Variants in PRMT7 observed in about 807,000 individuals in gnomAD.
PRMT7 encodes the protein protein arginine methyltransferase 7.
In PRMT7, 75 loss-of-function variants were observed where a neutral mutation model predicts 85.4. The observed-to-expected ratio is 0.88, with a 90% CI of 0.73 to 1.06. The LOEUF is 1.06. Among genes scored for constraint, PRMT7 ranks in the 50% least tolerant of loss-of-function variants. The probability of loss-of-function intolerance (pLI) is 0.00; values close to 1 mark genes in which losing one functional copy is unlikely to be tolerated. For missense variants in PRMT7, 868 were observed against 915.2 expected (o/e 0.95, Z 0.67); for synonymous variants, 397 against 359.5 (o/e 1.10, Z -1.18).
In PRMT7 at chr16:68,355,709, C is replaced by T. The variant is rs752101222; in HGVS notation, c.1651-14C>T. 1.3e-6 allele frequency: 2 copies of T among 1,559,034 alleles called. No individual in the cohort carries two copies. The highest frequency in any genetic ancestry group is 1.7e-4 in the Middle Eastern group (1 of 5,842). ...GCCTGTCTCTGCAGCCCCCAGGCCC[C>T]CTTCTGTTCGCAGCGTGCCCTGGAC... is the stretch of plus-strand genomic sequence containing the variant. On this transcript the variant is annotated splice_polypyrimidine_tract_variant and intron_variant, in intron 16 of 18. Transcript: ENST00000441236.
chr16:68,316,344 G>A (rs187743952), intron 3 of PRMT7, among the ~76,000 whole-genome samples: 1 of 152,286 alleles, frequency 6.6e-6, no homozygotes, highest in Admixed American at 6.5e-5. Context: ...AGCCTCAGTA[G>A]TGTTGATGAA....
intron 2 of PRMT7, among the ~76,000 whole-genome samples, chr16:68,312,440 G>T (rs2044003405): frequency 1.3e-5 from 2 of 151,972 alleles, no homozygotes; most frequent in Non-Finnish European, 2.9e-5. Context: ...GTCTCACTAT[G>T]TTGCGCAGGC....
At position 68,348,440 on chromosome 16, in the gene PRMT7, C is replaced by T. The variant is rs528258029; in HGVS notation, c.1413+9C>T. ...ACCTACAGGGCAGAAAGGTGAGTAGCGGGAGCCTTTTGGCCACGCTGGGCT... is the reference window on the plus strand; with the variant it reads ...ACCTACAGGGCAGAAAGGTGAGTAGTGGGAGCCTTTTGGCCACGCTGGGCT... On this transcript the variant is annotated intron_variant, in intron 14 of 18. Transcript: ENST00000441236. 1.3e-5 allele frequency: 21 copies of T among 1,603,534 alleles called. No homozygotes were observed. In the Admixed American group the frequency reaches 1.3e-4, roughly 10 times the overall value.
intron 6 of PRMT7, among the ~76,000 whole-genome samples, chr16:68,336,127 T>G (rs1433023234): frequency 1.3e-5 from 2 of 152,240 alleles, no homozygotes; most frequent in African/African-American, 4.8e-5. Context: ...CTGTGAGACT[T>G]GTGCTCTGTG....
At chr16:68,346,638 C>T (rs994811130) in intron 11 of PRMT7, among the ~76,000 whole-genome samples, 3 of 152,106 alleles carry the variant, frequency 2.0e-5, no homozygotes, top group South Asian at 2.1e-4. Context: ...CTGATCATGT[C>T]GCTCTCCTGC....
intron 4 of PRMT7, among the ~76,000 whole-genome samples, chr16:68,322,998 C>T (rs2082674991): frequency 6.6e-6 from 1 of 151,842 alleles, no homozygotes; most frequent in South Asian, 2.1e-4. Context: ...TGCACCACTG[C>T]ACTCCAGCCT....
intron 12 of PRMT7, 138 bp from the exon 13 acceptor site, chr16:68,347,493 G>A: frequency 1.9e-6 from 2 of 1,070,714 alleles, no homozygotes; most frequent in Non-Finnish European, 2.8e-6. Context: ...TGTTCAGGCT[G>A]CCCCAGGGAG....
At chr16:68,338,936 G>A (rs770220663) in intron 7 of PRMT7, among the ~76,000 whole-genome samples, 8 of 152,166 alleles carry the variant, frequency 5.3e-5, no homozygotes, top group Non-Finnish European at 1.0e-4. Flanking sequence ...GGGCAGCTGA[G>A]GGGGCACCGT....
In PRMT7 at chr16:68,357,138, C is replaced by A. The variant is rs989259018; in HGVS notation, c.1993C>A (p.Pro665Thr). Residue 665 changes from proline to threonine, a missense_variant, in exon 19 of 19, where the codon CCA becomes ACA. Transcript: ENST00000441236. ...APDPRALLGG[P>T]RTVSYAVEFH... is the part of the protein sequence containing the mutation. The stretch of plus-strand genomic sequence containing the variant: ...AGATCCCAGAGCACTGCTGGGTGGC[C>A]CACGGACTGTCAGCTATGCAGTGGA... 1.2e-6 allele frequency: 2 copies of A among 1,613,988 alleles called. No individual in the cohort carries two copies. Among genetic ancestry groups the A allele is most frequent in the Non-Finnish European group, 1.7e-6 (2 of 1,180,010 alleles).
intron 6 of PRMT7, among the ~76,000 whole-genome samples, chr16:68,335,824 T>G (rs182957530): frequency 6.6e-6 from 1 of 151,700 alleles, no homozygotes; most frequent in Admixed American, 6.6e-5. Context: ...TGGCCCAGAT[T>G]AGAGTGCAGT....
chr16:68,317,714 C>G (rs529273886), intron 3 of PRMT7, among the ~76,000 whole-genome samples: 17 of 152,006 alleles, frequency 1.1e-4, no homozygotes, highest in Admixed American at 6.6e-4. Flanking sequence ...GCCTGTAATC[C>G]CAGCTGCTCG....
chr16:68,355,903 GGGGGCAGGGA>G lies in PRMT7; in HGVS notation c.1811+26_1811+35del. ...CAGAAGGTGGGTGCAGAGAGGGCTG[GGGGGCAGGGA>G]GGGGCTGCTGCTTGCCCTTGGAGTT... is the stretch of plus-strand genomic sequence containing the variant. On this transcript the variant is annotated intron_variant, in intron 17 of 18. Transcript: ENST00000441236. 1 of 1,550,594 alleles carries G rather than the reference GGGGGCAGGGA, an allele frequency of 6.4e-7. No homozygotes were observed. The highest frequency in any genetic ancestry group is 8.7e-7 in the Non-Finnish European group (1 of 1,148,646).
At chr16:68,349,628 A>G (rs1051409102) in intron 14 of PRMT7, among the ~76,000 whole-genome samples, 6 of 152,164 alleles carry the variant, frequency 3.9e-5, no homozygotes, top group African/African-American at 1.2e-4. Flanking sequence ...ACATGGTGGC[A>G]CATGTCTGTA....
intron 14 of PRMT7, among the ~76,000 whole-genome samples, chr16:68,348,785 T>C (rs2086816139): frequency 6.6e-6 from 1 of 151,696 alleles, no homozygotes; most frequent in African/African-American, 2.4e-5. Flanking sequence ...ACTGTAGGCA[T>C]GTGCCATTAT....
At chr16:68,311,194 C>T (rs1241586378) in intron 1 of PRMT7, 95 bp downstream of exon 1, 3 of 579,802 alleles carry the variant, frequency 5.2e-6, no homozygotes, top group Non-Finnish European at 9.4e-6. Flanking sequence ...GGCAGAGGAG[C>T]CTAGCGTGGG....
At chr16:68,332,273 A>G (rs1367934348) in intron 6 of PRMT7, among the ~76,000 whole-genome samples, 2 of 152,094 alleles carry the variant, frequency 1.3e-5, no homozygotes, top group South Asian at 2.1e-4. Context: ...GATGTTTAGC[A>G]GTGTCCCTGG....
At chr16:68,353,183 T>A (rs1186651412) in intron 15 of PRMT7, among the ~76,000 whole-genome samples, 1 of 152,132 alleles carries the variant, frequency 6.6e-6, no homozygotes, top group African/African-American at 2.4e-5. Context: ...AGAATTGGCT[T>A]ACAGATTTCT....
chr16:68,315,592 G>T, intron 2 of PRMT7: 1 of 278,728 alleles, frequency 3.6e-6, no homozygotes, highest in Non-Finnish European at 6.9e-6. Context: ...AGATGAACTT[G>T]TGAGGCTCAT....
chr16:68,320,125 C>A (rs998749816), intron 3 of PRMT7, among the ~76,000 whole-genome samples: 13 of 152,138 alleles, frequency 8.5e-5, no homozygotes, highest in Non-Finnish European at 1.6e-4. Context: ...GAGATGTAGG[C>A]CAGGTTAGGT....
Sources: allele counts gnomAD v4.1 joint callset (sites outside exome capture counted in the v4.1 genomes callset), GRCh38; gene constraint gnomAD v4.1.1; transcripts MANE v1.5; gene names NCBI Gene and HGNC (gene_info 2026-07-23, HGNC 2026-07-21).